FNDC3B: variants seen among roughly 807,000 people sequenced by gnomAD.
The protein encoded by FNDC3B is fibronectin type III domain-containing protein 3B.
FNDC3B carries 12 observed loss-of-function variants against 151.5 expected under a neutral mutation model. The ratio of observed to expected loss-of-function variants is 0.08; its 90% CI spans 0.05 to 0.13. FNDC3B has a LOEUF of 0.13. FNDC3B is among the 10% of genes least tolerant of loss of function. FNDC3B has a pLI of 1.00. For synonymous variants in FNDC3B, 528 were observed against 549.0 expected (o/e 0.96, Z 0.54); for missense variants, 1,214 against 1,505.3 (o/e 0.81, Z 3.20).
Position 172,364,427 on chromosome 3 carries a change from T to G in FNDC3B, c.3008+1582T>G, listed in dbSNP as rs538362010. Among the ~76,000 whole-genome samples, 366 of 152,314 alleles carry G rather than the reference T, an allele frequency of 2.4e-3. 1 individual carries two copies. Among genetic ancestry groups the G allele is most frequent in the African/African-American group, 8.4e-3 (350 of 41,580 alleles). On this transcript the variant is annotated intron_variant, in intron 23 of 25. Coordinates refer to ENST00000415807, the MANE Select transcript of FNDC3B (RefSeq NM_022763.4). ...AGCACAGAAAAGTTGTTGAAAGTGG[T>G]AGCTAGCTGAGTTGGGATAAAGGCC...
intron 3 of FNDC3B, among the ~76,000 whole-genome samples, chr3:172,158,135 T>C (rs1053118755): frequency 2.6e-5 from 4 of 152,214 alleles, no homozygotes; most frequent in African/African-American, 9.6e-5. Flanking sequence ...AGCAATACAT[T>C]TCTATCATCT....
At chr3:172,064,127 G>A (rs565429936) in intron 1 of FNDC3B, among the ~76,000 whole-genome samples, 110 of 152,234 alleles carry the variant, frequency 7.2e-4, no homozygotes, top group African/African-American at 2.6e-3. Flanking sequence ...GGACAACATA[G>A]CAAGACTCTC....
rs147564429 is a variant in FNDC3B, at chr3:172,307,505, G to C, written c.1200+4G>C. The stretch of plus-strand genomic sequence containing the variant: ...TTCACTAACCCTGCAGTGGAAGGTG[G>C]GTAGCTCAAAGCATCAAGAATCGTC... On this transcript the variant is annotated splice_donor_region_variant and intron_variant, in intron 10 of 25. Transcript: ENST00000415807. The C allele has an allele frequency of 1.2e-6, 2 of 1,613,992 alleles. No homozygotes were observed. Among genetic ancestry groups the C allele is most frequent in the Non-Finnish European group, 1.7e-6 (2 of 1,179,968 alleles).
In FNDC3B at chr3:172,398,558, C is replaced by T. The variant is rs943057136; in HGVS notation, c.*1083C>T. 3 of 152,244 alleles carry T rather than the reference C, an allele frequency of 2.0e-5. No individual in the cohort carries two copies. Among genetic ancestry groups the T allele is most frequent in the Middle Eastern group, 3.4e-3 (1 of 294 alleles). 9.4% of individuals were successfully genotyped at this position (152,244 alleles called of 1,614,324 possible). On this transcript the variant is annotated 3_prime_UTR_variant, in exon 26 of 26. Coordinates refer to ENST00000415807, the MANE Select transcript of FNDC3B (RefSeq NM_022763.4). ...AAATTGATAAAACCCAAAAGAGAGT[C>T]ATCTAAATTTGTAGTTCCTATTTCT...
At chr3:172,315,354 G>A (rs1315179957) in intron 11 of FNDC3B, among the ~76,000 whole-genome samples, 2 of 152,198 alleles carry the variant, frequency 1.3e-5, no homozygotes, top group African/African-American at 2.4e-5. Context: ...TCCAGCCTGG[G>A]CGACAGAGCG....
intron 1 of FNDC3B, among the ~76,000 whole-genome samples, chr3:172,109,047 A>C (rs1245254634): frequency 1.1e-4 from 17 of 152,150 alleles, no homozygotes; most frequent in Admixed American, 1.1e-3. Flanking sequence ...GGATTTAAAC[A>C]TCGTTGGCTG....
At chr3:172,360,715 C>A (rs1734314041) in intron 22 of FNDC3B, among the ~76,000 whole-genome samples, 1 of 152,112 alleles carries the variant, frequency 6.6e-6, no homozygotes, top group African/African-American at 2.4e-5. Context: ...TGCTTTTGCA[C>A]CTTTGTCAAA....
At chr3:172,337,702 T>A in intron 16 of FNDC3B, 1 of 347,616 alleles carries the variant, frequency 2.9e-6, no homozygotes, top group Non-Finnish European at 5.3e-6. Flanking sequence ...TTTGTTTTGT[T>A]TTTTGAGATA....
intron 10 of FNDC3B, 126 bp downstream of exon 10, chr3:172,307,627 A>C: frequency 1.1e-6 from 1 of 874,756 alleles, no homozygotes; most frequent in Non-Finnish European, 1.8e-6. Context: ...CAGGAGTTTC[A>C]AGGCTGCAGT....
intron 1 of FNDC3B, among the ~76,000 whole-genome samples, chr3:172,111,653 C>T (rs536469770): frequency 2.6e-5 from 4 of 152,136 alleles, no homozygotes; most frequent in African/African-American, 7.2e-5. Context: ...GTATGCTTGA[C>T]GTTTAGAGTG....
At chr3:172,333,405 T>C (rs1452253240) in intron 14 of FNDC3B, among the ~76,000 whole-genome samples, 1 of 151,988 alleles carries the variant, frequency 6.6e-6, no homozygotes. Context: ...CACTGCAACC[T>C]CTGCCTCCCG....
At chr3:172,396,130 A>G (rs1294759789) in intron 25 of FNDC3B, among the ~76,000 whole-genome samples, 1 of 152,222 alleles carries the variant, frequency 6.6e-6, no homozygotes, top group Non-Finnish European at 1.5e-5. Flanking sequence ...CGAAACCTCC[A>G]AACTGGAAAT....
chr3:172,250,121 A>G (rs1291878095), intron 5 of FNDC3B, among the ~76,000 whole-genome samples: 1 of 152,208 alleles, frequency 6.6e-6, no homozygotes, highest in Non-Finnish European at 1.5e-5. Context: ...ACCTAAAAAT[A>G]ATTTTGAACT....
chr3:172,379,243 T>G (rs765679212), intron 24 of FNDC3B, among the ~76,000 whole-genome samples: 1 of 152,250 alleles, frequency 6.6e-6, no homozygotes, highest in Admixed American at 6.5e-5. Flanking sequence ...GTGGTTCTTG[T>G]GGAGGTCCCT....
At chr3:172,062,731 TAA>T (rs1311202369) in intron 1 of FNDC3B, among the ~76,000 whole-genome samples, 2 of 152,150 alleles carry the variant, frequency 1.3e-5, no homozygotes, top group Non-Finnish European at 2.9e-5. Context: ...GCCAAACTGT[TAA>T]GTCATTCTCC....
chr3:172,234,768 AATCT>A (rs1727055259), intron 4 of FNDC3B, among the ~76,000 whole-genome samples: 2 of 152,232 alleles, frequency 1.3e-5, no homozygotes, highest in Non-Finnish European at 2.9e-5. Context: ...CAATTATTAT[AATCT>A]ATCTTTCTAA....
At position 172,304,875 on chromosome 3, in the gene FNDC3B, C is replaced by T. The variant is rs139563066; in HGVS notation, c.1062-2488C>T. Reference sequence around the variant, plus strand: ...TCATGCCATTGCACCCCAGCCTAGGCGACAGAGCGAGACTTCATCTGAAAA... The same window carrying T: ...TCATGCCATTGCACCCCAGCCTAGGTGACAGAGCGAGACTTCATCTGAAAA... On this transcript the variant is annotated intron_variant, in intron 9 of 25. Transcript: ENST00000415807. Among the ~76,000 whole-genome samples, 194 of 144,168 alleles carry T rather than the reference C, an allele frequency of 1.3e-3. 1 individual carries two copies. The highest frequency in any genetic ancestry group is 4.8e-3 in the African/African-American group (185 of 38,198). The allele number at this position is 144,168 out of a possible 152,430, so 94.6% of individuals were successfully genotyped here. A position where few individuals can be genotyped will look rare whatever the true frequency, so the allele number is the denominator to read the frequency against.
At chr3:172,330,977 T>C (rs1270052806) in intron 13 of FNDC3B, among the ~76,000 whole-genome samples, 1 of 126,100 alleles carries the variant, frequency 7.9e-6, no homozygotes, top group African/African-American at 3.3e-5. Context: ...GAATCTTCCT[T>C]AGAAATTATT....
At chr3:172,282,368 G>A (rs1328959994) in intron 6 of FNDC3B, among the ~76,000 whole-genome samples, 1 of 152,078 alleles carries the variant, frequency 6.6e-6, no homozygotes, top group Non-Finnish European at 1.5e-5. Context: ...AAAGAAGACA[G>A]AATTCCATCT....
Sources: gnomAD v4.1 joint callset for allele counts (sites outside exome capture counted in the v4.1 genomes callset) on GRCh38, gnomAD v4.1.1 for gene constraint, MANE v1.5 for transcripts, NCBI Gene and HGNC (gene_info 2026-07-23, HGNC 2026-07-21) for gene names.